AJAP1: variants seen among roughly 807,000 people sequenced by gnomAD.
AJAP1 encodes the protein adherens junction-associated protein 1.
Under a neutral mutation model 35.0 loss-of-function variants are expected in AJAP1, and 5 were observed. That is an observed-to-expected ratio of 0.14 (90% CI 0.07 to 0.30). The LOEUF is 0.30. AJAP1 is among the 10% of genes least tolerant of loss of function. The pLI is 1.00. For synonymous variants in AJAP1, 284 were observed against 249.3 expected (o/e 1.14, Z -1.31); for missense variants, 586 against 571.0 (o/e 1.03, Z -0.27).
At chr1:4,729,075 G>GA (rs1362145433) in intron 2 of AJAP1, among the ~76,000 whole-genome samples, 7 of 151,926 alleles carry the variant, frequency 4.6e-5, no homozygotes, top group Middle Eastern at 3.4e-3. Flanking sequence ...ATACATCCTG[G>GA]AAAAAAAATC....
At position 4,725,349 on chromosome 1, in the gene AJAP1, G is replaced by T. The variant is rs540905018; in HGVS notation, c.829+12650G>T. Among the ~76,000 whole-genome samples the T allele has an allele frequency of 1.9e-3, 286 of 152,254 alleles. 1 individual carries two copies. Among genetic ancestry groups the T allele is most frequent in the African/African-American group, 6.5e-3 (272 of 41,556 alleles). On this transcript the variant is annotated intron_variant, in intron 2 of 5. Coordinates refer to ENST00000378191, the MANE Select transcript of AJAP1 (RefSeq NM_018836.4). ...GTGGGGTGGGCCATCTGGGATACTT[G>T]GTGTAGAATCCCGCATCTTCTCGTG...
intron 4 of AJAP1, among the ~76,000 whole-genome samples, chr1:4,772,980 C>A (rs377322864): frequency 4.6e-5 from 7 of 152,162 alleles, no homozygotes; most frequent in Admixed American, 2.0e-4. Flanking sequence ...ACCAGACTCC[C>A]AGACCGGAAG....
chr1:4,698,661 G>A (rs1312737787), intron 1 of AJAP1, among the ~76,000 whole-genome samples: 2 of 152,176 alleles, frequency 1.3e-5, no homozygotes, highest in South Asian at 2.1e-4. Context: ...CGGTGTGACC[G>A]TCACACATGT....
At chr1:4,668,752 G>T (rs1453013290) in intron 1 of AJAP1, among the ~76,000 whole-genome samples, 1 of 152,188 alleles carries the variant, frequency 6.6e-6, no homozygotes, top group Non-Finnish European at 1.5e-5. Context: ...CCCTGCCTGG[G>T]AGACGGGGCA....
At chr1:4,757,808 G>A (rs1477701467) in intron 2 of AJAP1, among the ~76,000 whole-genome samples, 1 of 152,178 alleles carries the variant, frequency 6.6e-6, no homozygotes, top group Non-Finnish European at 1.5e-5. Context: ...AGCAGTTATT[G>A]AATGAGTGAA....
intron 1 of AJAP1, among the ~76,000 whole-genome samples, chr1:4,691,360 C>T (rs1639734588): frequency 6.6e-6 from 1 of 152,220 alleles, no homozygotes; most frequent in South Asian, 2.1e-4. Context: ...TCCCTTTGTC[C>T]TCTCCAGGCC....
intron 1 of AJAP1, among the ~76,000 whole-genome samples, chr1:4,670,842 G>A (rs1273013650): frequency 6.6e-6 from 1 of 152,208 alleles, no homozygotes; most frequent in East Asian, 1.9e-4. Context: ...GGAGGAGAGG[G>A]AACAGAGCAA....
At chr1:4,717,358 G>T (rs1363564839) in intron 2 of AJAP1, among the ~76,000 whole-genome samples, 2 of 152,168 alleles carry the variant, frequency 1.3e-5, no homozygotes, top group Non-Finnish European at 2.9e-5. Context: ...GCCTGCTCAG[G>T]CCAATCCGCT....
chr1:4,727,897 T>C (rs1285197865), intron 2 of AJAP1, among the ~76,000 whole-genome samples: 1 of 152,212 alleles, frequency 6.6e-6, no homozygotes, highest in Non-Finnish European at 1.5e-5. Context: ...GGAAGAAGCT[T>C]GAAAGTGGAA....
intron 1 of AJAP1, among the ~76,000 whole-genome samples, chr1:4,678,818 G>T: frequency 6.6e-6 from 1 of 152,092 alleles, no homozygotes; most frequent in East Asian, 1.9e-4. Context: ...CTCTCTTTGG[G>T]CAGTTCCAAA....
At chr1:4,738,582 G>T (rs544116381) in intron 2 of AJAP1, among the ~76,000 whole-genome samples, 2 of 152,280 alleles carry the variant, frequency 1.3e-5, no homozygotes, top group South Asian at 2.1e-4. Context: ...AGTAAGGAGA[G>T]GGGGTGGGAG....
intron 1 of AJAP1, among the ~76,000 whole-genome samples, chr1:4,670,092 G>T (rs544722497): frequency 2.6e-5 from 4 of 152,288 alleles, no homozygotes; most frequent in African/African-American, 7.2e-5. Context: ...AGGGCTGGAA[G>T]GATGGTGACC....
intron 1 of AJAP1, among the ~76,000 whole-genome samples, chr1:4,679,092 CTG>C (rs1341858451): frequency 6.6e-6 from 1 of 152,224 alleles, no homozygotes; most frequent in African/African-American, 2.4e-5. Flanking sequence ...GACCTGGACT[CTG>C]GGAGACAGCT....
At chr1:4,700,304 G>A (rs1309180961) in intron 1 of AJAP1, among the ~76,000 whole-genome samples, 1 of 152,128 alleles carries the variant, frequency 6.6e-6, no homozygotes, top group African/African-American at 2.4e-5. Context: ...ACACTCCTCA[G>A]CTCTTAACCC....
intron 5 of AJAP1, among the ~76,000 whole-genome samples, chr1:4,776,447 A>G (rs1641941725): frequency 6.6e-6 from 1 of 152,144 alleles, no homozygotes; most frequent in Non-Finnish European, 1.5e-5. Context: ...GGATCACCCG[A>G]TGGCTGCCTG....
At chr1:4,670,562 A>C (rs1484425674) in intron 1 of AJAP1, among the ~76,000 whole-genome samples, 1 of 152,134 alleles carries the variant, frequency 6.6e-6, no homozygotes, top group Non-Finnish European at 1.5e-5. Flanking sequence ...TGAGCCTGTT[A>C]CTTTTCACTG....
intron 1 of AJAP1, among the ~76,000 whole-genome samples, chr1:4,668,213 C>CAA (rs35921768): frequency 0.15 from 22,570 of 149,218 alleles, 2,009 homozygotes; most frequent in East Asian, 0.34. Context: ...AACTCTATCT[C>CAA]AAAAAAAAAA....
chr1:4,763,203 C>A (rs1641611004), intron 2 of AJAP1, among the ~76,000 whole-genome samples: 1 of 152,204 alleles, frequency 6.6e-6, no homozygotes, highest in African/African-American at 2.4e-5. Flanking sequence ...CTGTGACCAC[C>A]CAAAGTGTCT....
intron 2 of AJAP1, among the ~76,000 whole-genome samples, chr1:4,744,520 C>T (rs925907467): frequency 3.3e-5 from 5 of 152,164 alleles, no homozygotes; most frequent in African/African-American, 9.7e-5. Flanking sequence ...GACCTGCTCA[C>T]GTGCACACAC....
Sources: gnomAD v4.1 joint callset for allele counts (sites outside exome capture counted in the v4.1 genomes callset) on GRCh38, gnomAD v4.1.1 for gene constraint, MANE v1.5 for transcripts, NCBI Gene and HGNC (gene_info 2026-07-23, HGNC 2026-07-21) for gene names.